Variants in RANGAP1 observed in about 807,000 individuals in gnomAD.
RANGAP1 encodes Ran GTPase activating protein 1.
In RANGAP1, 38 loss-of-function variants were observed where a neutral mutation model predicts 63.5. That is an observed-to-expected ratio of 0.60 (90% CI 0.46 to 0.78). The LOEUF (loss-of-function observed/expected upper bound fraction) is 0.78. Among genes scored for constraint, RANGAP1 ranks in the 30% least tolerant of loss-of-function variants. RANGAP1 has a pLI of 0.00. For missense variants in RANGAP1, 630 were observed against 740.3 expected (o/e 0.85, Z 1.73); for synonymous variants, 329 against 310.5 (o/e 1.06, Z -0.63).
intron 6 of RANGAP1, 101 bp from the exon 7 acceptor site, chr22:41,258,207 GC>G: frequency 7.5e-7 from 1 of 1,335,980 alleles, no homozygotes; most frequent in Non-Finnish European, 1.0e-6. Context: ...ATGGGCTGCC[GC>G]CAGCACAGGG....
In RANGAP1 at chr22:41,286,082, C is replaced by T. The variant is rs2035738606; in HGVS notation, c.-135G>A. ...TAGGGTCCGGGTCAGGCCGGGGTCG[C>T]CACCTCCGGATCCAGCGGTCCAGAT... is the stretch of plus-strand genomic sequence containing the variant. On this transcript the variant is annotated 5_prime_UTR_variant, in exon 1 of 16. Transcript: ENST00000356244. 6.6e-6 allele frequency: 1 copy of T among 152,310 alleles called. No individual in the cohort carries two copies. Among genetic ancestry groups the T allele is most frequent in the Non-Finnish European group, 1.5e-5 (1 of 68,088 alleles). The allele number at this position is 152,310 out of a possible 1,614,324, so 9.4% of individuals were successfully genotyped here.
intron 3 of RANGAP1, among the ~76,000 whole-genome samples, chr22:41,274,126 C>A (rs2035003882): frequency 6.6e-6 from 1 of 151,012 alleles, no homozygotes; most frequent in African/African-American, 2.4e-5. Flanking sequence ...GTGTAGGGAG[C>A]TGGCAGTCTC....
chr22:41,292,527 G>A, the RANGAP1 span, among the ~76,000 whole-genome samples: 7 of 152,146 alleles, frequency 4.6e-5, no homozygotes, highest in South Asian at 2.1e-4. Flanking sequence ...TTGGGAGGCC[G>A]AGGTGGGTGG....
At chr22:41,274,529 G>C in intron 3 of RANGAP1, 71 bp downstream of exon 3, 1 of 1,590,638 alleles carries the variant, frequency 6.3e-7, no homozygotes, top group African/African-American at 1.3e-5. Flanking sequence ...CTGGACACAG[G>C]CAGGGGTTGT....
At chr22:41,282,792 T>C (rs2035561080) in intron 1 of RANGAP1, among the ~76,000 whole-genome samples, 1 of 152,168 alleles carries the variant, frequency 6.6e-6, no homozygotes, top group African/African-American at 2.4e-5. Context: ...CATACCTGAA[T>C]AGTGTTTACT....
At chr22:41,250,975 A>G (rs1164141959) in intron 13 of RANGAP1, 32 bp downstream of exon 13, 3 of 1,575,330 alleles carry the variant, frequency 1.9e-6, no homozygotes, top group South Asian at 2.2e-5. Flanking sequence ...CAAGGGACAG[A>G]GGGCACCCAG....
upstream of RANGAP1, among the ~76,000 whole-genome samples, chr22:41,290,162 G>C (rs1398904160): frequency 1.4e-5 from 2 of 143,238 alleles, no homozygotes; most frequent in Non-Finnish European, 3.0e-5. Flanking sequence ...AAAAAAAAGA[G>C]AGAGAGAGAG....
chr22:41,283,497 G>C (rs892092341), intron 1 of RANGAP1, among the ~76,000 whole-genome samples: 2 of 152,042 alleles, frequency 1.3e-5, no homozygotes, highest in Admixed American at 1.3e-4. Context: ...GACAGAGCAA[G>C]ACTCCAACTC....
chr22:41,252,857 AG>A lies in RANGAP1; in HGVS notation c.1380+14del. The A allele has an allele frequency of 6.4e-7, 1 of 1,564,266 alleles. No homozygotes were observed. The highest frequency in any genetic ancestry group is 8.6e-7 in the Non-Finnish European group (1 of 1,156,814). ...CACAGCACGTACAGCGTGGGGGTCG[AG>A]GGGTGGTTATTACCTGCTGGGCTAT... On this transcript the variant is annotated intron_variant, in intron 12 of 15. Coordinates refer to ENST00000356244, the MANE Select transcript of RANGAP1 (RefSeq NM_002883.4).
intron 1 of RANGAP1, among the ~76,000 whole-genome samples, chr22:41,283,853 A>C (rs981787020): frequency 2.6e-5 from 4 of 152,080 alleles, no homozygotes; most frequent in African/African-American, 9.7e-5. Flanking sequence ...CAGAAAGCAG[A>C]TGTCATCTGA....
intron 2 of RANGAP1, 121 bp from the exon 3 acceptor site, chr22:41,274,848 C>T: frequency 7.8e-7 from 1 of 1,280,506 alleles, no homozygotes; most frequent in Non-Finnish European, 1.1e-6. Flanking sequence ...TGCAATGAGC[C>T]TTGGCTTACA....
the RANGAP1 span, among the ~76,000 whole-genome samples, chr22:41,296,304 C>T: frequency 6.6e-6 from 1 of 151,422 alleles, no homozygotes; most frequent in South Asian, 2.1e-4. Flanking sequence ...AGAAATGAGC[C>T]ACCATCGAAA....
intron 2 of RANGAP1, chr22:41,277,579 C>A: frequency 9.6e-7 from 1 of 1,036,962 alleles, no homozygotes; most frequent in South Asian, 1.4e-5. Flanking sequence ...ACTTGACCTT[C>A]TGGTCAAGAA....
At chr22:41,258,200 G>A in intron 6 of RANGAP1, 94 bp from the exon 7 acceptor site, 7 of 1,405,178 alleles carry the variant, frequency 5.0e-6, no homozygotes, top group Non-Finnish European at 6.7e-6. Context: ...CACAGGAATG[G>A]GCTGCCGCCA....
At chr22:41,281,341 A>C in intron 1 of RANGAP1, 1 of 902,838 alleles carries the variant, frequency 1.1e-6, no homozygotes, top group Non-Finnish European at 1.4e-6. Flanking sequence ...CCTCTGCTAA[A>C]CTGCCGCAGC....
upstream of RANGAP1, among the ~76,000 whole-genome samples, chr22:41,288,785 C>A (rs1000391625): frequency 2.7e-5 from 4 of 150,072 alleles, no homozygotes; most frequent in Admixed American, 2.0e-4. Context: ...TGGGGCTTGT[C>A]GGGGCTTGGT....
At chr22:41,264,541 C>G in intron 5 of RANGAP1, 123 bp downstream of exon 5, 2 of 1,249,640 alleles carry the variant, frequency 1.6e-6, no homozygotes, top group Non-Finnish European at 2.2e-6. Context: ...GCCTTTGAGG[C>G]CTTTCTCTTT....
Position 41,256,732 on chromosome 22 carries a change from G to A in RANGAP1, c.867C>T (p.Arg289=), listed in dbSNP as rs531001209. The change falls in exon 8 of 16, where the codon CGC becomes CGT. Residue 289 remains arginine, a synonymous_variant. Transcript: ENST00000356244. ...KGAVAIADAI[R]GGLPKLKELN... Reference sequence around the variant, plus strand: ...GCACCTTTAGCTTGGGCAGGCCGCCGCGGATGGCATCTGCAATGGCAACTG... The same window carrying A: ...GCACCTTTAGCTTGGGCAGGCCGCCACGGATGGCATCTGCAATGGCAACTG... The A allele has an allele frequency of 3.3e-5, 54 of 1,613,990 alleles. No individual in the cohort carries two copies. The Middle Eastern group carries it at 8.3e-4, about 25-fold the overall frequency.
intron 2 of RANGAP1, among the ~76,000 whole-genome samples, chr22:41,278,236 T>A (rs2035274013): frequency 6.6e-6 from 1 of 151,934 alleles, no homozygotes; most frequent in South Asian, 2.1e-4. Context: ...ACAGGGTTTC[T>A]CCATGTTGGC....
Sources: gnomAD v4.1 joint callset for allele counts (sites outside exome capture counted in the v4.1 genomes callset) on GRCh38, gnomAD v4.1.1 for gene constraint, MANE v1.5 for transcripts, NCBI Gene and HGNC (gene_info 2026-07-23, HGNC 2026-07-21) for gene names.